The following MSANTD1 variants were observed in gnomAD, a reference collection of about 807,000 sequenced individuals.
The protein encoded by MSANTD1 is Myb/SANT DNA binding domain containing 1.
A neutral mutation model predicts 24.2 loss-of-function variants in MSANTD1; 7 were observed. That is an observed-to-expected ratio of 0.29 (90% confidence interval 0.16 to 0.54). MSANTD1 has a LOEUF of 0.54. MSANTD1 is among the 20% of genes least tolerant of loss of function. MSANTD1 has a pLI of 0.94. For missense variants in MSANTD1, 384 were observed against 408.2 expected, an observed-to-expected ratio of 0.94 and a Z score of 0.51; for synonymous variants, 177 against 181.1, an observed-to-expected ratio of 0.98 and a Z score of 0.18.
chr4:3,254,292 C>T (rs988268437), intron 2 of MSANTD1, among the ~76,000 whole-genome samples: 2 of 152,232 alleles, frequency 1.3e-5, no homozygotes, highest in African/African-American at 4.8e-5. Context: ...GAGAAGGCGT[C>T]TCCGAGGAGG....
intron 1 of MSANTD1, among the ~76,000 whole-genome samples, chr4:3,252,976 G>A (rs550508774): frequency 2.6e-5 from 4 of 152,226 alleles, no homozygotes; most frequent in East Asian, 1.9e-4. Context: ...ATACTGGGAC[G>A]TGTGCTTCCT....
chr4:3,255,772 T>A lies in MSANTD1; in HGVS notation c.644T>A (p.Leu215Gln). ...VKKRKVQSCHLQKKQLRLLEA... is the reference protein window; with the variant it reads ...VKKRKVQSCHQQKKQLRLLEA... ...AAGCGCAAGGTGCAGAGCTGCCACCTGCAGAAGAAGCAGCTGCGGCTGCTG... is the reference window on the plus strand; with the variant it reads ...AAGCGCAAGGTGCAGAGCTGCCACCAGCAGAAGAAGCAGCTGCGGCTGCTG... Residue 215 changes from leucine (L) to glutamine (Q), a missense_variant, in exon 3 of 3, where the codon CTG becomes CAG. Transcript: ENST00000438480. 1.3e-6 allele frequency: 2 copies of A among 1,546,926 alleles called. No individual in the cohort carries two copies. The highest frequency in any genetic ancestry group is 1.7e-6 in the Non-Finnish European group (2 of 1,146,586).
At chr4:3,255,282 G>A (rs1459907020) in intron 2 of MSANTD1, among the ~76,000 whole-genome samples, 2 of 150,324 alleles carry the variant, frequency 1.3e-5, no homozygotes, top group African/African-American at 4.9e-5. Flanking sequence ...AGAGAGCAGT[G>A]GCGCGATCTT....
In MSANTD1 at chr4:3,255,987, C is replaced by T. The variant is rs772082553; in HGVS notation, c.*22C>T. The T allele has an allele frequency of 1.0e-4, 152 of 1,475,044 alleles. 1 individual carries two copies. Among genetic ancestry groups the T allele is most frequent in the Middle Eastern group, 4.9e-4 (2 of 4,116 alleles). The allele number at this position is 1,475,044 out of a possible 1,614,324, so 91.4% of individuals were successfully genotyped here. A position where few individuals can be genotyped will look rare whatever the true frequency, so the allele number is the denominator to read the frequency against. On this transcript the variant is annotated 3_prime_UTR_variant, in exon 3 of 3. Transcript: ENST00000438480. ...CTAGGCCAGCAGGCGGCGGCGGCGG[C>T]GGGGCCGGGCGGCTGGTGGTACTGC... is the stretch of plus-strand genomic sequence containing the variant.
chr4:3,245,626 C>G (rs1430761993), upstream of MSANTD1, among the ~76,000 whole-genome samples: 2 of 152,222 alleles, frequency 1.3e-5, no homozygotes, highest in Non-Finnish European at 2.9e-5. Flanking sequence ...GTGACAGTGT[C>G]TGTGGGTAGA....
upstream of MSANTD1, chr4:3,244,713 C>T (rs1721966232): frequency 6.6e-6 from 1 of 152,262 alleles, no homozygotes; most frequent in Non-Finnish European, 1.5e-5. Context: ...CTGTGGCTTC[C>T]TCTGGTGCAG....
At chr4:3,248,953 G>A (rs1357455103), upstream of MSANTD1, 5 of 358,078 alleles carry the variant, frequency 1.4e-5, no homozygotes, top group Non-Finnish European at 2.5e-5. Context: ...GCGGCGGTGA[G>A]AGGCAGGGCC....
upstream of MSANTD1, among the ~76,000 whole-genome samples, chr4:3,246,259 C>G (rs879746854): frequency 2.6e-5 from 4 of 152,192 alleles, no homozygotes; most frequent in Non-Finnish European, 5.9e-5. Context: ...AAATCCCCAC[C>G]CATCTGCACA....
At chr4:3,255,607 C>A in intron 2 of MSANTD1, 118 bp from the exon 3 acceptor site, 2 of 1,307,814 alleles carry the variant, frequency 1.5e-6, no homozygotes, top group Admixed American at 2.9e-5. Context: ...AGTGACCTGA[C>A]TCCCTGGGGC....
chr4:3,251,125 T>C (rs3129322), intron 1 of MSANTD1, among the ~76,000 whole-genome samples: 53,684 of 151,976 alleles, frequency 0.35, 9,774 homozygotes, highest in East Asian at 0.39. Context: ...TCTTCAGAGG[T>C]TCGGTGGACA....
Position 3,249,449 on chromosome 4 carries a change from A to C in MSANTD1, c.227A>C (p.Glu76Ala). ...ACCAAGCGCAACGCCAAGGTGTACGAGAAGATGGCCAGCAAGCTCTTCGAG... is the reference window on the plus strand; with the variant it reads ...ACCAAGCGCAACGCCAAGGTGTACGCGAAGATGGCCAGCAAGCTCTTCGAG... ...KQTKRNAKVY[E>A]KMASKLFEMT... Residue 76 changes from glutamate (E) to alanine (A), a missense_variant, in exon 1 of 3, where the codon GAG becomes GCG. By Grantham distance (107) the Glu-to-Ala change is moderately radical. Transcript: ENST00000438480. The C allele has an allele frequency of 6.2e-7, 1 of 1,611,254 alleles. No homozygotes were observed. The highest frequency in any genetic ancestry group is 8.5e-7 in the Non-Finnish European group (1 of 1,179,428).
upstream of MSANTD1, chr4:3,247,447 G>A (rs1288472514): frequency 6.6e-6 from 1 of 152,216 alleles, no homozygotes; most frequent in South Asian, 2.1e-4. Flanking sequence ...ACCTCACCGG[G>A]GAGGGCCGAA....
At position 3,255,993 on chromosome 4, in the gene MSANTD1, C is replaced by T. The variant is rs775313193; in HGVS notation, c.*28C>T. Reference sequence around the variant, plus strand: ...CAGCAGGCGGCGGCGGCGGCGGGGCCGGGCGGCTGGTGGTACTGCTCAGGC... The same window carrying T: ...CAGCAGGCGGCGGCGGCGGCGGGGCTGGGCGGCTGGTGGTACTGCTCAGGC... On this transcript the variant is annotated 3_prime_UTR_variant, in exon 3 of 3. Coordinates refer to ENST00000438480, the MANE Select transcript of MSANTD1 (RefSeq NM_001042690.2). The T allele has an allele frequency of 2.4e-5, 36 of 1,482,330 alleles. No individual in the cohort carries two copies. Among genetic ancestry groups the T allele is most frequent in the Middle Eastern group, 4.8e-4 (2 of 4,136 alleles). The allele number at this position is 1,482,330 out of a possible 1,614,324, so 91.8% of individuals were successfully genotyped here. A position where few individuals can be genotyped will look rare whatever the true frequency, so the allele number is the denominator to read the frequency against.
intron 2 of MSANTD1, 31 bp from the exon 3 acceptor site, chr4:3,255,694 A>G: frequency 6.7e-7 from 1 of 1,499,354 alleles, no homozygotes. Flanking sequence ...CTCTGTGGCC[A>G]GCACGTCCAC....
At chr4:3,254,053 G>A (rs1722313856) in intron 2 of MSANTD1, among the ~76,000 whole-genome samples, 1 of 152,220 alleles carries the variant, frequency 6.6e-6, no homozygotes, top group South Asian at 2.1e-4. Context: ...ATGCTCACAG[G>A]GCAGCCGGGA....
chr4:3,251,187 G>C (rs1367182337), intron 1 of MSANTD1, among the ~76,000 whole-genome samples: 1 of 152,238 alleles, frequency 6.6e-6, no homozygotes, highest in East Asian at 1.9e-4. Context: ...GTCCTGCTCA[G>C]GCACCTGGTG....
intron 1 of MSANTD1, among the ~76,000 whole-genome samples, chr4:3,250,243 G>T (rs985120165): frequency 6.6e-6 from 1 of 152,182 alleles, no homozygotes; most frequent in African/African-American, 2.4e-5. Flanking sequence ...CAGCGTGGGG[G>T]CTCCCGGCCT....
At chr4:3,250,847 C>T (rs980653040) in intron 1 of MSANTD1, among the ~76,000 whole-genome samples, 4 of 152,250 alleles carry the variant, frequency 2.6e-5, no homozygotes, top group Non-Finnish European at 4.4e-5. Context: ...GCCTCCAGCA[C>T]AGCAGAAGGG....
At position 3,256,265 on chromosome 4, in the gene MSANTD1, A is replaced by G; in HGVS notation, c.*300A>G. ...CTCTCCAGTGTCGTTACTATCAATG[A>G]TACTTGACGTGGCTTTGATATTAAA... On this transcript the variant is annotated 3_prime_UTR_variant, in exon 3 of 3. Transcript: ENST00000438480. The G allele has an allele frequency of 3.7e-6, 1 of 272,040 alleles. No homozygotes were observed. The highest frequency in any genetic ancestry group is 6.9e-6 in the Non-Finnish European group (1 of 145,378). 16.9% of individuals were successfully genotyped at this position (272,040 alleles called of 1,614,324 possible). A position where few individuals can be genotyped will look rare whatever the true frequency, so the allele number is the denominator to read the frequency against.
Sources: allele counts gnomAD v4.1 joint callset (sites outside exome capture counted in the v4.1 genomes callset), GRCh38; gene constraint gnomAD v4.1.1; transcripts MANE v1.5; gene names NCBI Gene and HGNC (gene_info 2026-07-23, HGNC 2026-07-21).